The following MRPL42 variants were observed in gnomAD, a reference collection of about 807,000 sequenced individuals.
MRPL42 encodes the protein large ribosomal subunit protein mL42.
In MRPL42, 17 loss-of-function variants were observed where a neutral mutation model predicts 17.9. The observed-to-expected ratio is 0.95, with a 90% confidence interval of 0.65 to 1.42. The LOEUF is 1.42. MRPL42 is among the 40% of genes most tolerant of loss of function. The probability of loss-of-function intolerance (pLI) is 0.00; values close to 1 mark genes in which losing one functional copy is unlikely to be tolerated. For synonymous variants in MRPL42, 59 were observed against 54.4 expected (o/e 1.08, Z -0.37); for missense variants, 177 against 175.2 (o/e 1.01, Z -0.06).
intron 2 of MRPL42, among the ~76,000 whole-genome samples, chr12:93,471,806 T>G (rs1879923830): frequency 6.6e-6 from 1 of 152,182 alleles, no homozygotes; most frequent in African/African-American, 2.4e-5. Flanking sequence ...GCAATCAGCT[T>G]TTGATTATCT....
rs922659851 is a variant in MRPL42, at chr12:93,511,019, T to G, written c.*9798T>G. On this transcript the variant is annotated 3_prime_UTR_variant, in exon 6 of 6. Coordinates refer to ENST00000549982, the MANE Select transcript of MRPL42 (RefSeq NM_014050.4). Reference sequence around the variant, plus strand: ...CTGGCTTTTTTTATCAAGAAAAGACTTACCTTTTCTGAATGCAACAGTATT... The same window carrying G: ...CTGGCTTTTTTTATCAAGAAAAGACGTACCTTTTCTGAATGCAACAGTATT... 3.9e-5 allele frequency: 6 copies of G among 152,208 alleles called. No homozygotes were observed. Among genetic ancestry groups the G allele is most frequent in the African/African-American group, 1.4e-4 (6 of 41,458 alleles). 9.4% of individuals were successfully genotyped at this position (152,208 alleles called of 1,614,324 possible). A position where few individuals can be genotyped will look rare whatever the true frequency, so the allele number is the denominator to read the frequency against.
At chr12:93,499,665 A>G (rs575948878) in intron 5 of MRPL42, among the ~76,000 whole-genome samples, 65 of 152,288 alleles carry the variant, frequency 4.3e-4, no homozygotes, top group Non-Finnish European at 7.9e-4. Context: ...ATGTTTATGC[A>G]GATGGTATTT....
At position 93,508,868 on chromosome 12, in the gene MRPL42, T is replaced by G. The variant is rs1163579003; in HGVS notation, c.*7647T>G. On this transcript the variant is annotated 3_prime_UTR_variant, in exon 6 of 6. Coordinates refer to ENST00000549982, the MANE Select transcript of MRPL42 (RefSeq NM_014050.4). Reference sequence around the variant, plus strand: ...ACCATATATATTTTAACACTGTCTCTTTTTCACACACACTAGTTAGCTAAG... The same window carrying G: ...ACCATATATATTTTAACACTGTCTCGTTTTCACACACACTAGTTAGCTAAG... 6.6e-6 allele frequency: 1 copy of G among 152,104 alleles called. No homozygotes were observed. The highest frequency in any genetic ancestry group is 1.5e-5 in the Non-Finnish European group (1 of 68,028). The allele number at this position is 152,104 out of a possible 1,614,324, so 9.4% of individuals were successfully genotyped here.
chr12:93,514,909 A>AT lies in MRPL42; in HGVS notation c.*13694dup, dbSNP rs1953765257. Reference sequence around the variant, plus strand: ...ACGAATGGTGCCAATAATGCATTACATTTTTTAGCAGTCATGTCATCCTCT... The same window carrying AT: ...ACGAATGGTGCCAATAATGCATTACATTTTTTTAGCAGTCATGTCATCCTCT... On this transcript the variant is annotated 3_prime_UTR_variant, in exon 6 of 6. Transcript: ENST00000549982. The AT allele has an allele frequency of 6.6e-6, 1 of 151,984 alleles. No homozygotes were observed. Among genetic ancestry groups the AT allele is most frequent in the Non-Finnish European group, 1.5e-5 (1 of 68,016 alleles). 9.4% of individuals were successfully genotyped at this position (151,984 alleles called of 1,614,324 possible). A position where few individuals can be genotyped will look rare whatever the true frequency, so the allele number is the denominator to read the frequency against.
chr12:93,512,258 C>G lies in MRPL42; in HGVS notation c.*11037C>G, dbSNP rs1055520290. ...CCTGAGGTCAGAGGTTCGAGACCAG[C>G]CTGGCCAACATGGTGAAACCCCATC... On this transcript the variant is annotated 3_prime_UTR_variant, in exon 6 of 6. Coordinates refer to ENST00000549982, the MANE Select transcript of MRPL42 (RefSeq NM_014050.4). The G allele has an allele frequency of 1.3e-5, 2 of 152,272 alleles. No homozygotes were observed. Among genetic ancestry groups the G allele is most frequent in the African/African-American group, 2.4e-5 (1 of 41,452 alleles). 9.4% of individuals were successfully genotyped at this position (152,272 alleles called of 1,614,324 possible). A position where few individuals can be genotyped will look rare whatever the true frequency, so the allele number is the denominator to read the frequency against.
chr12:93,491,775 C>A (rs1188296093), intron 5 of MRPL42, among the ~76,000 whole-genome samples: 2 of 152,160 alleles, frequency 1.3e-5, no homozygotes, highest in African/African-American at 4.8e-5. Context: ...ACCTCTTTCC[C>A]TCCTGTCTGT....
At chr12:93,483,776 C>G (rs1880577206) in intron 4 of MRPL42, among the ~76,000 whole-genome samples, 1 of 152,072 alleles carries the variant, frequency 6.6e-6, no homozygotes, top group African/African-American at 2.4e-5. Flanking sequence ...GTTACTGTCA[C>G]TTTTAAACTT....
At position 93,506,260 on chromosome 12, in the gene MRPL42, C is replaced by CTCTTTT. The variant is rs1476200427; in HGVS notation, c.*5040_*5041insCTTTTT. 4 of 87,860 alleles carry CTCTTTT rather than the reference C, an allele frequency of 4.6e-5. No individual in the cohort carries two copies. The highest frequency in any genetic ancestry group is 8.0e-5 in the Non-Finnish European group (4 of 49,746). The allele number at this position is 87,860 out of a possible 1,614,324, so 5.4% of individuals were successfully genotyped here. A position where few individuals can be genotyped will look rare whatever the true frequency, so the allele number is the denominator to read the frequency against. Reference sequence around the variant, plus strand: ...AGTCTTCAATTCAGCAAGAATGTCTCTTTTTTTTTTTTTTTTTTTTTTGGG... The same window carrying CTCTTTT: ...AGTCTTCAATTCAGCAAGAATGTCTCTCTTTTTTTTTTTTTTTTTTTTTTTTTTGGG... On this transcript the variant is annotated 3_prime_UTR_variant, in exon 6 of 6. Coordinates refer to ENST00000549982, the MANE Select transcript of MRPL42 (RefSeq NM_014050.4).
rs1325543270 is a variant in MRPL42 at position 93,501,978 on chromosome 12, A to G, written c.*757A>G. On this transcript the variant is annotated 3_prime_UTR_variant, in exon 6 of 6. Transcript: ENST00000549982. Reference sequence around the variant, plus strand: ...AAATAATCCTTTGAAAAGGGAGTATAATTACATTTTACAGTGACTCGAACC... The same window carrying G: ...AAATAATCCTTTGAAAAGGGAGTATGATTACATTTTACAGTGACTCGAACC... 3 of 138,950 alleles carry G rather than the reference A, an allele frequency of 2.2e-5. No homozygotes were observed. The East Asian group carries it at 6.8e-4, about 32-fold the overall frequency. 8.6% of individuals were successfully genotyped at this position (138,950 alleles called of 1,614,324 possible). A position where few individuals can be genotyped will look rare whatever the true frequency, so the allele number is the denominator to read the frequency against.
At chr12:93,476,296 C>T (rs1372313827) in intron 2 of MRPL42, among the ~76,000 whole-genome samples, 1 of 152,090 alleles carries the variant, frequency 6.6e-6, no homozygotes, top group Admixed American at 6.6e-5. Flanking sequence ...GAGCAATTCT[C>T]CTGCCTCAGT....
In MRPL42 at chr12:93,512,023, T is replaced by C. The variant is rs1391505900; in HGVS notation, c.*10802T>C. ...GCAATAAGTTTGAGATTGTTCTCTTTATGTAATAGTTTGGAAAACAAACAA... is the reference window on the plus strand; with the variant it reads ...GCAATAAGTTTGAGATTGTTCTCTTCATGTAATAGTTTGGAAAACAAACAA... On this transcript the variant is annotated 3_prime_UTR_variant, in exon 6 of 6. Coordinates refer to ENST00000549982, the MANE Select transcript of MRPL42 (RefSeq NM_014050.4). 6.6e-6 allele frequency: 1 copy of C among 152,258 alleles called. No homozygotes were observed. The highest frequency in any genetic ancestry group is 1.9e-4 in the East Asian group (1 of 5,198). 9.4% of individuals were successfully genotyped at this position (152,258 alleles called of 1,614,324 possible).
chr12:93,471,549 C>T (rs4761723), intron 2 of MRPL42, among the ~76,000 whole-genome samples: 78,394 of 151,874 alleles, frequency 0.52, 20,302 homozygotes, highest in Non-Finnish European at 0.53. Context: ...GATCTGCCCA[C>T]CTCAGCCTCC....
chr12:93,476,489 C>A (rs759867928), intron 2 of MRPL42, among the ~76,000 whole-genome samples: 1 of 152,170 alleles, frequency 6.6e-6, no homozygotes, highest in Non-Finnish European at 1.5e-5. Context: ...CAAGTTCTTT[C>A]TTGGAAAGGC....
At chr12:93,496,751 G>A (rs1048827672) in intron 5 of MRPL42, among the ~76,000 whole-genome samples, 1 of 139,390 alleles carries the variant, frequency 7.2e-6, no homozygotes, top group East Asian at 2.1e-4. Context: ...AAATGACAAA[G>A]GTGACATCAC....
rs55890236 is a variant in MRPL42 at position 93,514,295 on chromosome 12, CTTT to C, written c.*13092_*13094del. The C allele has an allele frequency of 0.38, 45,514 of 120,438 alleles. 7,740 individuals are homozygous for C. The highest frequency in any genetic ancestry group is 0.47 in the African/African-American group (14,453 of 30,516). 7.5% of individuals were successfully genotyped at this position (120,438 alleles called of 1,614,324 possible). ...CCCTCTGCTTTTTCTTTCTTTCTTT[CTTT>C]TTTTTTTTTTTTTTTTTGAGATGGC... On this transcript the variant is annotated 3_prime_UTR_variant, in exon 6 of 6. Transcript: ENST00000549982.
At chr12:93,499,470 T>C in intron 5 of MRPL42, among the ~76,000 whole-genome samples, 1 of 152,282 alleles carries the variant, frequency 6.6e-6, no homozygotes, top group Middle Eastern at 3.4e-3. Context: ...ACAAATAATT[T>C]CAAGAGGTTA....
At chr12:93,475,162 T>C (rs930204962) in intron 2 of MRPL42, among the ~76,000 whole-genome samples, 3 of 151,898 alleles carry the variant, frequency 2.0e-5, no homozygotes, top group Admixed American at 2.0e-4. Flanking sequence ...TCGCCCAGGC[T>C]GGAGTGCAAT....
At position 93,512,792 on chromosome 12, in the gene MRPL42, T is replaced by C. The variant is rs1301345344; in HGVS notation, c.*11571T>C. 3.3e-5 allele frequency: 5 copies of C among 152,226 alleles called. No individual in the cohort carries two copies. The highest frequency in any genetic ancestry group is 3.3e-4 in the Admixed American group (5 of 15,272). The allele number at this position is 152,226 out of a possible 1,614,324, so 9.4% of individuals were successfully genotyped here. A position where few individuals can be genotyped will look rare whatever the true frequency, so the allele number is the denominator to read the frequency against. On this transcript the variant is annotated 3_prime_UTR_variant, in exon 6 of 6. Transcript: ENST00000549982. Reference sequence around the variant, plus strand: ...TAAGTTTTATTTTCCAACAAAAGAATGTCTACATACGGCAAATTCATAGAT... The same window carrying C: ...TAAGTTTTATTTTCCAACAAAAGAACGTCTACATACGGCAAATTCATAGAT...
chr12:93,469,365 A>T lies in MRPL42; in HGVS notation c.70+10A>T, dbSNP rs150131290. On this transcript the variant is annotated intron_variant, in intron 2 of 5. Transcript: ENST00000549982. ...TTATTTCCAGTCCAAAGTAAGTGAA[A>T]TTTTTTTTAATGTTTAAAAACTTTT... 6.0e-4 allele frequency: 942 copies of T among 1,577,848 alleles called. 7 individuals carry two copies. The African/African-American group carries it at 0.01, about 17-fold the overall frequency.
Sources: gnomAD v4.1 joint callset for allele counts (sites outside exome capture counted in the v4.1 genomes callset) on GRCh38, gnomAD v4.1.1 for gene constraint, MANE v1.5 for transcripts, NCBI Gene and HGNC (gene_info 2026-07-23, HGNC 2026-07-21) for gene names.